NOTCH1: variants seen among roughly 807,000 people sequenced by gnomAD.
NOTCH1 encodes notch receptor 1.
In NOTCH1, 37 loss-of-function variants were observed where a neutral mutation model predicts 254.8. The ratio of observed to expected loss-of-function variants is 0.15; its 90% confidence interval spans 0.11 to 0.19. The LOEUF is 0.19. NOTCH1 is among the 10% of genes least tolerant of loss of function. The probability of loss-of-function intolerance (pLI) is 1.00; values close to 1 mark genes in which losing one functional copy is unlikely to be tolerated. For missense variants in NOTCH1, 2,972 were observed against 3,708.6 expected (o/e 0.80, Z 5.16); for synonymous variants, 1,731 against 1,618.1 (o/e 1.07, Z -1.68).
chr9:136,500,744 G>T lies in NOTCH1; in HGVS notation c.5742C>A (p.Ile1914=). The T allele has an allele frequency of 6.2e-7, 1 of 1,606,872 alleles. No individual in the cohort carries two copies. ...EDAPAVISDF[I]YQGASLHNQT... ...GGTTGTGCAGGCTGGCGCCCTGGTA[G>T]ATGAAGTCGGAGATGACGGCCGGCG... is the stretch of plus-strand genomic sequence containing the variant. Residue 1914 remains isoleucine, a synonymous_variant, in exon 31 of 34, where the codon ATC becomes ATA. Transcript: ENST00000651671.
chr9:136,500,458 T>A, intron 31 of NOTCH1, 94 bp downstream of exon 31: 1 of 1,495,532 alleles, frequency 6.7e-7, no homozygotes, highest in Non-Finnish European at 9.2e-7. Flanking sequence ...GTGCTCGGGG[T>A]CAGGCTCCCA....
At chr9:136,528,461 A>C (rs1352723208) in intron 2 of NOTCH1, among the ~76,000 whole-genome samples, 1 of 58,092 alleles carries the variant, frequency 1.7e-5, no homozygotes, top group Non-Finnish European at 3.2e-5. Flanking sequence ...GGGCAGGGAC[A>C]GTGTTGGGGA....
chr9:136,499,373 C>A (rs1842963015), intron 31 of NOTCH1, 114 bp from the exon 32 acceptor site: 1 of 1,453,702 alleles, frequency 6.9e-7, no homozygotes, highest in Admixed American at 2.0e-5. Flanking sequence ...CAGACGAGAC[C>A]CTCCTGAGAT....
In NOTCH1 at chr9:136,511,215, C is replaced by T. The variant is rs376934533; in HGVS notation, c.2524G>A (p.Gly842Arg). ...PCAPSPCRNG[G>R]ECRQSEDYES... ...TAGTCCTCGGATTGCCTGCACTCCC[C>T]GCCGTTTCTGCAGGGGCTGGGGGCA... Residue 842 changes from glycine to arginine, a missense_variant, in exon 16 of 34, where the codon GGG (glycine) becomes AGG (arginine). By Grantham distance (125) the Gly-to-Arg change is moderately radical. This residue lies in a region of NOTCH1 where 1,343 missense variants were observed against 1,557.0 expected (regional missense o/e 0.86). Coordinates refer to ENST00000651671, the MANE Select transcript of NOTCH1 (RefSeq NM_017617.5). 1.2e-6 allele frequency: 2 copies of T among 1,612,292 alleles called. No individual in the cohort carries two copies. Among genetic ancestry groups the T allele is most frequent in the Non-Finnish European group, 1.7e-6 (2 of 1,179,478 alleles).
rs1843724219 is a variant in NOTCH1, at chr9:136,540,920, G to C, written c.140+3104C>G. Among the ~76,000 whole-genome samples, 1 of 152,148 alleles carries C rather than the reference G, an allele frequency of 6.6e-6. No individual in the cohort carries two copies. Among genetic ancestry groups the C allele is most frequent in the Non-Finnish European group, 1.5e-5 (1 of 68,030 alleles). ...GCCCTGGGAGAGCGTTTCAGACCAA[G>C]GACGTAGTCTCACCCAGACAGATAG... On this transcript the variant is annotated intron_variant, in intron 2 of 33. Coordinates refer to ENST00000651671, the MANE Select transcript of NOTCH1 (RefSeq NM_017617.5). The surrounding 1 kb of genome is among the most constrained non-coding windows in gnomAD (Gnocchi z 4.4).
intron 2 of NOTCH1, among the ~76,000 whole-genome samples, chr9:136,528,889 G>A (rs963429845): frequency 4.6e-5 from 7 of 152,144 alleles, no homozygotes; most frequent in Non-Finnish European, 1.0e-4. Context: ...GGAGCCCGTG[G>A]CCACGTCCTG....
rs770293205 is a variant in NOTCH1, at chr9:136,500,803, G to C, written c.5683C>G (p.Leu1895Val). Residue 1895 changes from leucine to valine, a missense_variant, in exon 31 of 34, where the codon CTG (leucine) becomes GTG (valine). This residue lies in a region of NOTCH1 where 421 missense variants were observed against 604.4 expected (regional missense o/e 0.70). Transcript: ENST00000651671. Reference sequence around the variant, plus strand: ...TCTTCCTCGCTGTTGCCCGTCTCCAGGCCGCCCCCGCTGCAGGAGGCGATC... The same window carrying C: ...TCTTCCTCGCTGTTGCCCGTCTCCACGCCGCCCCCGCTGCAGGAGGCGATC... ...LMIASCSGGG[L>V]ETGNSEEEED... 6.3e-7 allele frequency: 1 copy of C among 1,599,706 alleles called. No individual in the cohort carries two copies. The highest frequency in any genetic ancestry group is 1.1e-5 in the South Asian group (1 of 91,032).
Position 136,497,526 on chromosome 9 carries a change from C to T in NOTCH1, c.6213G>A (p.Glu2071=), listed in dbSNP as rs761295801. Residue 2071 remains glutamate (E), a synonymous_variant, in exon 34 of 34, where the codon GAG becomes GAA. Coordinates refer to ENST00000651671, the MANE Select transcript of NOTCH1 (RefSeq NM_017617.5). ...EETPLFLAAR[E]GSYETAKVLL... ...GCACCTTGGCGGTCTCGTAGCTGCCCTCCCGGGCGGCCAGAAACAGGGGTG... is the reference window on the plus strand; with the variant it reads ...GCACCTTGGCGGTCTCGTAGCTGCCTTCCCGGGCGGCCAGAAACAGGGGTG... 2 of 1,608,218 alleles carry T rather than the reference C, an allele frequency of 1.2e-6. No individual in the cohort carries two copies. Among genetic ancestry groups the T allele is most frequent in the African/African-American group, 1.3e-5 (1 of 74,868 alleles).
In NOTCH1 at chr9:136,523,091, T is replaced by C; in HGVS notation, c.501A>G (p.Pro167=). ...GGCAGGTGGGGCCATGGAAGCTGGG[T>C]GGGCAGTGGCAGATGTAGGAGGCCT... is the stretch of plus-strand genomic sequence containing the variant. ...PFEASYICHC[P]PSFHGPTCRQ... is the part of the protein sequence containing the mutation. The change falls in exon 4 of 34, where the codon CCA becomes CCG. Residue 167 remains proline (P), a synonymous_variant. Coordinates refer to ENST00000651671, the MANE Select transcript of NOTCH1 (RefSeq NM_017617.5). 1 of 1,597,290 alleles carries C rather than the reference T, an allele frequency of 6.3e-7. No individual in the cohort carries two copies. The highest frequency in any genetic ancestry group is 8.5e-7 in the Non-Finnish European group (1 of 1,172,934).
chr9:136,515,269 C>T (rs1328209891), intron 12 of NOTCH1, 21 bp downstream of exon 12: 1 of 1,607,254 alleles, frequency 6.2e-7, no homozygotes, highest in Admixed American at 1.7e-5. Context: ...GCAGTCAGCC[C>T]CCACGTGCAG....
At chr9:136,529,022 A>T (rs1287390119) in intron 2 of NOTCH1, among the ~76,000 whole-genome samples, 1 of 151,870 alleles carries the variant, frequency 6.6e-6, no homozygotes, top group Non-Finnish European at 1.5e-5. Context: ...TAGGGCTCCC[A>T]CTCTGCCTGC....
chr9:136,505,892 G>A lies in NOTCH1; in HGVS notation c.4015-11C>T, dbSNP rs1843077123. 4.4e-6 allele frequency: 7 copies of A among 1,581,294 alleles called. No homozygotes were observed. Among genetic ancestry groups the A allele is most frequent in the East Asian group, 2.3e-5 (1 of 44,110 alleles). On this transcript the variant is annotated splice_polypyrimidine_tract_variant and intron_variant, in intron 24 of 33. Coordinates refer to ENST00000651671, the MANE Select transcript of NOTCH1 (RefSeq NM_017617.5). ...GGCGCCCTCGAAGCCCTGCCCGAGAGGGAAGACAGGACGGTGTCGGGGTGG... is the reference window on the plus strand; with the variant it reads ...GGCGCCCTCGAAGCCCTGCCCGAGAAGGAAGACAGGACGGTGTCGGGGTGG...
At position 136,513,282 on chromosome 9, in the gene NOTCH1, G is replaced by T; in HGVS notation, c.2353+110C>A. The stretch of plus-strand genomic sequence containing the variant: ...GCCTGGAGCTAAGGCTTTGCCACGG[G>T]AGGGAGACACCATGCATGGTGCTGG... On this transcript the variant is annotated intron_variant, in intron 14 of 33. Transcript: ENST00000651671. This position sits in a 1 kb window ranked among gnomAD's most constrained non-coding sequence, Gnocchi z 4.7. 1 of 1,548,606 alleles carries T rather than the reference G, an allele frequency of 6.5e-7. No individual in the cohort carries two copies. The highest frequency in any genetic ancestry group is 8.9e-7 in the Non-Finnish European group (1 of 1,128,954).
chr9:136,511,645 C>T (rs900893298), intron 15 of NOTCH1, among the ~76,000 whole-genome samples: 11 of 152,222 alleles, frequency 7.2e-5, no homozygotes, highest in East Asian at 1.9e-4. Context: ...GGGCCCACCC[C>T]GGACGCAAGC....
intron 2 of NOTCH1, 164 bp downstream of exon 2, chr9:136,543,860 A>T: frequency 1.4e-6 from 1 of 737,102 alleles, no homozygotes; most frequent in Non-Finnish European, 2.4e-6. Flanking sequence ...GCTGGTGATT[A>T]AGTAATTGCC....
rs2133315137 is a variant in NOTCH1, at chr9:136,496,356, G to C, written c.7383C>G (p.Ser2461Arg). The C allele has an allele frequency of 1.3e-6, 2 of 1,592,748 alleles. No homozygotes were observed. Among genetic ancestry groups the C allele is most frequent in the Admixed American group, 1.7e-5 (1 of 57,468 alleles). Residue 2461 changes from serine (S) to arginine (R), a missense_variant, in exon 34 of 34, where the codon AGC (serine) becomes AGG (arginine). Coordinates refer to ENST00000651671, the MANE Select transcript of NOTCH1 (RefSeq NM_017617.5). ...ATGGCAGCGACGTGGGCAGGGCGGGGCTCTCCTGGGGCAGAATAGTGTGCA... is the reference window on the plus strand; with the variant it reads ...ATGGCAGCGACGTGGGCAGGGCGGGCCTCTCCTGGGGCAGAATAGTGTGCA... The part of the protein sequence containing the change: ...LAVHTILPQE[S>R]PALPTSLPSS...
At position 136,496,627 on chromosome 9, in the gene NOTCH1, G is replaced by A. The variant is rs755417102; in HGVS notation, c.7112C>T (p.Thr2371Ile). The stretch of plus-strand genomic sequence containing the variant: ...CAGGTGAGGCTGGGTGGCCAGCCGG[G>A]TGCTGGGCAGGCCCTGGTAGCTCAT... ...QMMSYQGLPS[T>I]RLATQPHLVQ... The change falls in exon 34 of 34, where the codon ACC (threonine) becomes ATC (isoleucine). Residue 2371 changes from threonine (T) to isoleucine (I), a missense_variant. Physicochemically the swap from Thr to Ile is moderately conservative, Grantham distance 89. Transcript: ENST00000651671. 1.2e-6 allele frequency: 2 copies of A among 1,613,100 alleles called. No homozygotes were observed. The highest frequency in any genetic ancestry group is 1.7e-6 in the Non-Finnish European group (2 of 1,179,982).
At position 136,515,933 on chromosome 9, in the gene NOTCH1, C is replaced by T. The variant is rs761398968; in HGVS notation, c.1669+48G>A. ...CTTGTCAGTTTCACTGCCCTGAGTG[C>T]CCTGTCCCGTCCCCAGTCCCTCCCC... On this transcript the variant is annotated intron_variant, in intron 10 of 33. Transcript: ENST00000651671. The T allele has an allele frequency of 4.1e-6, 6 of 1,470,230 alleles. No individual in the cohort carries two copies. The South Asian group carries it at 5.8e-5, about 14-fold the overall frequency. The allele number at this position is 1,470,230 out of a possible 1,614,324, so 91.1% of individuals were successfully genotyped here.
At chr9:136,544,797 C>A (rs998344035) in intron 1 of NOTCH1, among the ~76,000 whole-genome samples, 3 of 152,158 alleles carry the variant, frequency 2.0e-5, no homozygotes, top group Non-Finnish European at 4.4e-5. Context: ...CCCCCATACA[C>A]CCACAGGAGG....
Sources: gnomAD v4.1 joint callset for allele counts (sites outside exome capture counted in the v4.1 genomes callset) on GRCh38, gnomAD v4.1.1 for gene constraint, gnomAD v4.1.1 regional missense constraint, Gnocchi (gnomAD v3.1) non-coding constraint, MANE v1.5 for transcripts, NCBI Gene and HGNC (gene_info 2026-07-23, HGNC 2026-07-21) for gene names.